Variants in LUZP2 observed in about 807,000 individuals in gnomAD.
The protein encoded by LUZP2 is leucine zipper protein 2.
In LUZP2, 52 loss-of-function variants were observed where a neutral mutation model predicts 51.6. The ratio of observed to expected loss-of-function variants is 1.01; its 90% CI spans 0.81 to 1.27. LUZP2 has a LOEUF of 1.27. LUZP2 is among the 50% of genes most tolerant of loss of function. The pLI is 0.00. For synonymous variants in LUZP2, 154 were observed against 137.3 expected (o/e 1.12, Z -0.85); for missense variants, 436 against 395.4 (o/e 1.10, Z -0.87).
intron 5 of LUZP2, among the ~76,000 whole-genome samples, chr11:24,861,610 A>C (rs895372174): frequency 1.7e-4 from 26 of 152,300 alleles, no homozygotes; most frequent in African/African-American, 6.3e-4. Context: ...ACTCAGACAC[A>C]GGTATGCAGT....
intron 1 of LUZP2, among the ~76,000 whole-genome samples, chr11:24,721,744 A>C (rs916830952): frequency 6.6e-6 from 1 of 152,190 alleles, no homozygotes; most frequent in African/African-American, 2.4e-5. Context: ...ATAGTCACCC[A>C]AAACCCAAAC....
At chr11:24,951,234 T>A (rs1855069739) in intron 7 of LUZP2, among the ~76,000 whole-genome samples, 1 of 151,002 alleles carries the variant, frequency 6.6e-6, no homozygotes, top group South Asian at 2.1e-4. Flanking sequence ...CCACACAGGC[T>A]TTTTAGCCTT....
Position 24,497,228 on chromosome 11 carries a change from C to T in LUZP2, c.-16C>T. 1 of 1,528,920 alleles carries T rather than the reference C, an allele frequency of 6.5e-7. No individual in the cohort carries two copies. The highest frequency in any genetic ancestry group is 8.8e-7 in the Non-Finnish European group (1 of 1,133,400). The allele number at this position is 1,528,920 out of a possible 1,614,324, so 94.7% of individuals were successfully genotyped here. On this transcript the variant is annotated 5_prime_UTR_variant, in exon 1 of 12. Coordinates refer to ENST00000336930, the MANE Select transcript of LUZP2 (RefSeq NM_001009909.4). Reference sequence around the variant, plus strand: ...GAGAAGGCAGCGAGGGAAGGAGGACCCCGGCAGGCAGCAGCATGAAATTCA... The same window carrying T: ...GAGAAGGCAGCGAGGGAAGGAGGACTCCGGCAGGCAGCAGCATGAAATTCA...
intron 1 of LUZP2, among the ~76,000 whole-genome samples, chr11:24,704,992 AACAC>A (rs1365593237): frequency 6.6e-6 from 1 of 152,136 alleles, no homozygotes; most frequent in Admixed American, 6.6e-5. Context: ...TACAAATATG[AACAC>A]ACACACATAC....
chr11:24,962,634 C>T (rs576468282), intron 7 of LUZP2, among the ~76,000 whole-genome samples: 3 of 152,180 alleles, frequency 2.0e-5, no homozygotes, highest in African/African-American at 4.8e-5. Flanking sequence ...TTAGGCACTT[C>T]TCTGTATTGA....
rs55803874 is a variant in LUZP2 at position 24,820,719 on chromosome 11, A to G, written c.396+57411A>G. Among the ~76,000 whole-genome samples the G allele has an allele frequency of 6.4e-3, 975 of 152,272 alleles. 9 individuals carry two copies. The highest frequency in any genetic ancestry group is 0.022 in the African/African-American group (907 of 41,568). On this transcript the variant is annotated intron_variant, in intron 5 of 11. Coordinates refer to ENST00000336930, the MANE Select transcript of LUZP2 (RefSeq NM_001009909.4). ...GGCAAATATGATTCAGAGATTGCTC[A>G]AATCTTTGGATTTGGGTGTTACGGT...
intron 4 of LUZP2, among the ~76,000 whole-genome samples, chr11:24,761,549 A>G (rs556135562): frequency 2.0e-5 from 3 of 152,318 alleles, no homozygotes; most frequent in African/African-American, 7.2e-5. Context: ...TGCTAATGCC[A>G]GAGCTGTATC....
chr11:24,896,585 C>T (rs532179121), intron 5 of LUZP2, among the ~76,000 whole-genome samples: 1 of 152,164 alleles, frequency 6.6e-6, no homozygotes, highest in East Asian at 1.9e-4. Context: ...CCCGCCTCCC[C>T]CCATGGGATA....
chr11:24,576,361 C>T (rs560391556), intron 1 of LUZP2, among the ~76,000 whole-genome samples: 1 of 142,416 alleles, frequency 7.0e-6, no homozygotes, highest in Non-Finnish European at 1.5e-5. Flanking sequence ...TGCAGTGAAC[C>T]GAGATCATGC....
chr11:25,064,322 A>G (rs1359677251), intron 10 of LUZP2, among the ~76,000 whole-genome samples: 1 of 152,108 alleles, frequency 6.6e-6, no homozygotes, highest in African/African-American at 2.4e-5. Context: ...GATGGTGTAT[A>G]TTAAATTATG....
At chr11:24,812,376 C>A (rs1044571989) in intron 5 of LUZP2, among the ~76,000 whole-genome samples, 1 of 152,070 alleles carries the variant, frequency 6.6e-6, no homozygotes, top group Non-Finnish European at 1.5e-5. Flanking sequence ...TCTTCAATTC[C>A]CCTTCTGCTT....
chr11:24,702,556 G>C (rs1302046810), intron 1 of LUZP2, among the ~76,000 whole-genome samples: 1 of 152,112 alleles, frequency 6.6e-6, no homozygotes, highest in Non-Finnish European at 1.5e-5. Context: ...GTGAGAGCAG[G>C]AACCAGAGAC....
At chr11:24,731,537 A>C (rs1192161642) in intron 2 of LUZP2, among the ~76,000 whole-genome samples, 2 of 151,736 alleles carry the variant, frequency 1.3e-5, no homozygotes, top group African/African-American at 4.8e-5. Flanking sequence ...AGAGTATATA[A>C]ACACTAAGGA....
intron 1 of LUZP2, among the ~76,000 whole-genome samples, chr11:24,615,560 T>A (rs537877311): frequency 2.0e-5 from 3 of 152,112 alleles, no homozygotes; most frequent in Non-Finnish European, 4.4e-5. Context: ...AAGATATATG[T>A]TTTCTTACCC....
rs147131707 is a variant in LUZP2, at chr11:24,546,067, G to C, written c.62+48762G>C. Among the ~76,000 whole-genome samples, 353 of 152,072 alleles carry C rather than the reference G, an allele frequency of 2.3e-3. 1 individual carries two copies. Among genetic ancestry groups the C allele is most frequent in the African/African-American group, 8.2e-3 (341 of 41,518 alleles). ...AATTGTGAAATGGGACTGCATTCAT[G>C]ATTTGGCTCTTGGCTTGCCTGTTGT... is the stretch of plus-strand genomic sequence containing the variant. On this transcript the variant is annotated intron_variant, in intron 1 of 11. Transcript: ENST00000336930.
chr11:24,868,286 A>T (rs1318638188), intron 5 of LUZP2, among the ~76,000 whole-genome samples: 1 of 151,988 alleles, frequency 6.6e-6, no homozygotes, highest in Admixed American at 6.6e-5. Context: ...GGCACAAAAG[A>T]AATCTACAAA....
intron 1 of LUZP2, chr11:24,646,503 GA>G: frequency 1.4e-6 from 1 of 740,214 alleles, no homozygotes; most frequent in South Asian, 6.1e-5. Context: ...TACCTTATTG[GA>G]ATTTACAGCC....
chr11:25,046,211 A>G (rs1199098096), intron 9 of LUZP2, among the ~76,000 whole-genome samples: 1 of 104,054 alleles, frequency 9.6e-6, no homozygotes, highest in Non-Finnish European at 2.0e-5. Context: ...ATACCATGAG[A>G]GAAAAGTAAT....
At chr11:25,053,321 G>A (rs1858580374) in intron 10 of LUZP2, among the ~76,000 whole-genome samples, 1 of 152,094 alleles carries the variant, frequency 6.6e-6, no homozygotes, top group Non-Finnish European at 1.5e-5. Context: ...CTGAACAGAA[G>A]AGATTGGTAC....
Sources: allele counts gnomAD v4.1 joint callset (sites outside exome capture counted in the v4.1 genomes callset), GRCh38; gene constraint gnomAD v4.1.1; transcripts MANE v1.5; gene names NCBI Gene and HGNC (gene_info 2026-07-23, HGNC 2026-07-21).